RAB9B: variants seen among roughly 807,000 people sequenced by gnomAD.
RAB9B encodes the protein ras-related protein Rab-9B.
In RAB9B, 1 loss-of-function variant was observed where a neutral mutation model predicts 8.9. The observed-to-expected ratio is 0.11, with a 90% CI of 0.04 to 0.53. The LOEUF (loss-of-function observed/expected upper bound fraction) is 0.53. Ranked by LOEUF, RAB9B falls within the 20% of genes least tolerant of loss-of-function variation. The probability of loss-of-function intolerance (pLI) is 0.93; values close to 1 mark genes in which losing one functional copy is unlikely to be tolerated. For synonymous variants in RAB9B, 63 were observed against 57.0 expected, an observed-to-expected ratio of 1.10 and a Z score of -0.47; for missense variants, 82 against 152.9, an observed-to-expected ratio of 0.54 and a Z score of 2.45.
At chrX:103,803,477 T>G in the RAB9B span, among the ~76,000 whole-genome samples, 2 of 113,013 alleles carry the variant, frequency 1.8e-5, no homozygotes, top group African/African-American at 3.2e-5. Flanking sequence ...TTTCATGTAC[T>G]TATGGTCCAT....
the RAB9B span, among the ~76,000 whole-genome samples, chrX:103,783,438 C>T: frequency 8.9e-6 from 1 of 112,445 alleles, no homozygotes; most frequent in South Asian, 3.7e-4. Flanking sequence ...TAGCTGCTTA[C>T]TTTGTTTGGC....
chrX:103,802,486 G>A, the RAB9B span, among the ~76,000 whole-genome samples: 1 of 111,458 alleles, frequency 9.0e-6, no homozygotes, highest in Admixed American at 9.5e-5. Context: ...TTAAGGGTAA[G>A]CAGGACTACA....
At chrX:103,807,104 C>T in the RAB9B span, among the ~76,000 whole-genome samples, 1 of 111,934 alleles carries the variant, frequency 8.9e-6, no homozygotes, top group African/African-American at 3.2e-5. Flanking sequence ...TTGCATTTTA[C>T]TCTTTGATGT....
At chrX:103,818,977 C>G (rs2074649889), downstream of RAB9B, among the ~76,000 whole-genome samples, 1 of 111,169 alleles carries the variant, frequency 9.0e-6, no homozygotes, top group Non-Finnish European at 1.9e-5. Context: ...AGAGAGAACT[C>G]AGAGGCTACT....
At chrX:103,785,894 T>G in the RAB9B span, 1 of 750,646 alleles carries the variant, frequency 1.3e-6, no homozygotes, top group South Asian at 2.2e-5. Flanking sequence ...GATTCCCGAG[T>G]CTTCCCTCTG....
At position 103,824,079 on chromosome X, in the gene RAB9B, C is replaced by G. The variant is rs142499416; in HGVS notation, c.*1100G>C. 3.2e-3 allele frequency: 365 copies of G among 112,354 alleles called. 3 individuals carry two copies. The highest frequency in any genetic ancestry group is 0.023 in the Middle Eastern group (5 of 217). 9.3% of individuals were successfully genotyped at this position (112,354 alleles called of 1,213,427 possible). ...CAGGGAGCTCACTATTAAGGCAGTC[C>G]ATTCCACTGTTGGACAACTCTGTTT... On this transcript the variant is annotated 3_prime_UTR_variant, in exon 3 of 3. Transcript: ENST00000243298.
the RAB9B span, among the ~76,000 whole-genome samples, chrX:103,778,850 C>T: frequency 8.9e-6 from 1 of 112,395 alleles, no homozygotes; most frequent in Non-Finnish European, 1.9e-5. Context: ...TGCTGTTCAA[C>T]AATTGCAGTA....
the RAB9B span, among the ~76,000 whole-genome samples, chrX:103,794,640 T>C: frequency 8.9e-6 from 1 of 112,337 alleles, no homozygotes. Context: ...TCCTTAACTG[T>C]GAACACAGGT....
At chrX:103,831,276 G>T (rs1186132824) in intron 1 of RAB9B, among the ~76,000 whole-genome samples, 1 of 109,208 alleles carries the variant, frequency 9.2e-6, no homozygotes, top group Non-Finnish European at 1.9e-5. Flanking sequence ...TGCTGGTGGT[G>T]GGTGCTTCGT....
chrX:103,824,975 C>T lies in RAB9B; in HGVS notation c.*204G>A, dbSNP rs943627021. 22 of 378,589 alleles carry T rather than the reference C, an allele frequency of 5.8e-5. No individual in the cohort carries two copies. In the East Asian group the frequency reaches 8.4e-4, roughly 14 times the overall value. 31.2% of individuals were successfully genotyped at this position (378,589 alleles called of 1,213,427 possible). On this transcript the variant is annotated 3_prime_UTR_variant, in exon 3 of 3. Coordinates refer to ENST00000243298, the MANE Select transcript of RAB9B (RefSeq NM_016370.4). ...GAAATAGCAGAAATCACGCAAAATA[C>T]ACTTGGCTTGATAGAGCTTCATTTT...
the RAB9B span, chrX:103,789,230 C>A: frequency 1.1e-5 from 7 of 664,026 alleles, no homozygotes; most frequent in Non-Finnish European, 1.3e-5. Context: ...AATTAGCACA[C>A]AAGAAAGATA....
At chrX:103,784,744 T>C in the RAB9B span, among the ~76,000 whole-genome samples, 1 of 112,379 alleles carries the variant, frequency 8.9e-6, no homozygotes, top group South Asian at 3.7e-4. Context: ...TGTTACCACT[T>C]ACTTGGCTGC....
chrX:103,788,658 C>T, the RAB9B span: 20 of 561,840 alleles, frequency 3.6e-5, no homozygotes, highest in African/African-American at 3.1e-4. Flanking sequence ...GCTAAGTGTG[C>T]CTGAGCCAAT....
the RAB9B span, chrX:103,788,632 C>T: frequency 1.6e-6 from 1 of 620,188 alleles, no homozygotes; most frequent in Non-Finnish European, 2.8e-6. Flanking sequence ...AGCCGATTGC[C>T]TTCTACAACA....
chrX:103,800,149 G>C, the RAB9B span, among the ~76,000 whole-genome samples: 1 of 111,662 alleles, frequency 9.0e-6, no homozygotes, highest in Non-Finnish European at 1.9e-5. Flanking sequence ...CAGTGGCTAT[G>C]TTTACTATGG....
the RAB9B span, among the ~76,000 whole-genome samples, chrX:103,797,819 C>T: frequency 9.0e-6 from 1 of 111,681 alleles, no homozygotes; most frequent in Non-Finnish European, 1.9e-5. Flanking sequence ...TAGTACCTGC[C>T]AAAAACTCCA....
downstream of RAB9B, among the ~76,000 whole-genome samples, chrX:103,821,972 C>T (rs2074662686): frequency 9.0e-6 from 1 of 111,182 alleles, no homozygotes; most frequent in Non-Finnish European, 1.9e-5. Context: ...TCCCAATACA[C>T]GTCATGCATT....
the RAB9B span, among the ~76,000 whole-genome samples, chrX:103,792,841 G>T: frequency 1.8e-5 from 2 of 112,286 alleles, no homozygotes; most frequent in Non-Finnish European, 3.8e-5. Context: ...GTAAGTACAT[G>T]TCTGAGCTTG....
At chrX:103,780,431 GTCTC>G in the RAB9B span, among the ~76,000 whole-genome samples, 1,202 of 90,069 alleles carry the variant, frequency 0.013, 17 homozygotes, top group African/African-American at 0.042. Flanking sequence ...CATTCATTCT[GTCTC>G]TCTCTGTGTG....
Sources: allele counts gnomAD v4.1 joint callset (sites outside exome capture counted in the v4.1 genomes callset), GRCh38; gene constraint gnomAD v4.1.1; transcripts MANE v1.5; gene names NCBI Gene and HGNC (gene_info 2026-07-23, HGNC 2026-07-21).